Variants in SCAF4 observed in about 807,000 individuals in gnomAD.
The protein encoded by SCAF4 is SR-related and CTD-associated factor 4.
In SCAF4, 25 loss-of-function variants were observed where a neutral mutation model predicts 129.8. The observed-to-expected ratio is 0.19, with a 90% CI of 0.14 to 0.27. SCAF4 has a LOEUF of 0.27. Ranked by LOEUF, SCAF4 falls within the 10% of genes least tolerant of loss-of-function variation. The probability of loss-of-function intolerance (pLI) is 1.00; values close to 1 mark genes in which losing one functional copy is unlikely to be tolerated. For missense variants in SCAF4, 1,246 were observed against 1,457.1 expected (o/e 0.86, Z 2.36); for synonymous variants, 551 against 497.7 (o/e 1.11, Z -1.43).
At chr21:31,697,184 T>C (rs997702952) in intron 7 of SCAF4, among the ~76,000 whole-genome samples, 1 of 152,058 alleles carries the variant, frequency 6.6e-6, no homozygotes, top group African/African-American at 2.4e-5. Context: ...AAAGTGTCCA[T>C]ATACTGCTTC....
At chr21:31,709,582 G>C (rs1464731155) in intron 1 of SCAF4, among the ~76,000 whole-genome samples, 1 of 152,054 alleles carries the variant, frequency 6.6e-6, no homozygotes, top group Non-Finnish European at 1.5e-5. Context: ...ACACTCTATA[G>C]TCTCTATTTA....
rs1238655930 is a variant in SCAF4, at chr21:31,706,377, A to G, written c.31-20T>C. The G allele has an allele frequency of 1.3e-6, 2 of 1,526,472 alleles. No homozygotes were observed. The allele number at this position is 1,526,472 out of a possible 1,614,324, so 94.6% of individuals were successfully genotyped here. A position where few individuals can be genotyped will look rare whatever the true frequency, so the allele number is the denominator to read the frequency against. ...AAAGAGCTTAAAAGACAAAAAACAA[A>G]CAAAAAGTAAAGTTTAACTATTTGG... On this transcript the variant is annotated intron_variant, in intron 1 of 19. Transcript: ENST00000286835.
Position 31,671,731 on chromosome 21 carries a change from G to A in SCAF4, c.3112C>T (p.Pro1038Ser). 6.2e-7 allele frequency: 1 copy of A among 1,613,948 alleles called. No individual in the cohort carries two copies. The highest frequency in any genetic ancestry group is 8.5e-7 in the Non-Finnish European group (1 of 1,179,954). Residue 1038 changes from proline to serine, a missense_variant, in exon 20 of 20, where the codon CCT becomes TCT. Physicochemically the swap from Pro to Ser is moderately conservative, Grantham distance 74 (BLOSUM62 -1). This residue lies in a region of SCAF4 where 339 missense variants were observed against 325.0 expected (regional missense o/e 1.04). Transcript: ENST00000286835. ...RDRREWGRRSPDRDRHRDLEE... is the reference protein window; with the variant it reads ...RDRREWGRRSSDRDRHRDLEE... ...AAGTCTCTGTGCCTGTCCCGGTCAG[G>A]GCTCCTCCTTCCCCACTCTCTCCTG...
chr21:31,717,955 T>A (rs563616094), intron 1 of SCAF4, among the ~76,000 whole-genome samples: 24 of 144,006 alleles, frequency 1.7e-4, no homozygotes, highest in African/African-American at 3.3e-4. Flanking sequence ...ACATATATAT[T>A]TTTTTGAGAT....
At position 31,671,463 on chromosome 21, in the gene SCAF4, G is replaced by A. The variant is rs1178289584; in HGVS notation, c.3380C>T (p.Ala1127Val). Residue 1127 changes from alanine (A) to valine (V), a missense_variant, in exon 20 of 20, where the codon GCT (alanine) becomes GTT (valine). Physicochemically the swap from Ala to Val is moderately conservative, Grantham distance 64 (BLOSUM62 0). Coordinates refer to ENST00000286835, the MANE Select transcript of SCAF4 (RefSeq NM_020706.2). ...GGGTTCAACGGATGAGGTAGCCTCAGCAGGTAACTCTTCAGAAGGCTTTAG... is the reference window on the plus strand; with the variant it reads ...GGGTTCAACGGATGAGGTAGCCTCAACAGGTAACTCTTCAGAAGGCTTTAG... ...AVLKPSEELPAEATSSVEPEK... is the reference protein window; with the variant it reads ...AVLKPSEELPVEATSSVEPEK... The A allele has an allele frequency of 2.4e-5, 39 of 1,614,030 alleles. No individual in the cohort carries two copies. The highest frequency in any genetic ancestry group is 3.2e-5 in the Non-Finnish European group (38 of 1,179,974).
chr21:31,685,212 A>G lies in SCAF4; in HGVS notation c.2325T>C (p.Thr775=). 1.9e-6 allele frequency: 3 copies of G among 1,610,206 alleles called. No homozygotes were observed. The highest frequency in any genetic ancestry group is 2.5e-6 in the Non-Finnish European group (3 of 1,177,332). The change falls in exon 19 of 20, where the codon ACT becomes ACC. Residue 775 remains threonine (T), a synonymous_variant. Transcript: ENST00000286835. ...GATTTCCAATAGATAAGTCTTTTGT[A>G]GTGTCTTCATTTATACCAGCGATAG... is the stretch of plus-strand genomic sequence containing the variant. ...NSTIAGINED[T]TKDLSIGNPI...
At chr21:31,685,539 A>C in intron 17 of SCAF4, 29 bp downstream of exon 17, 1 of 1,614,058 alleles carries the variant, frequency 6.2e-7, no homozygotes, top group Non-Finnish European at 8.5e-7. Context: ...CGCAGGCTCT[A>C]AAGTATGTTC....
rs548477213 is a variant in SCAF4, at chr21:31,710,211, A to G, written c.31-3854T>C. ...CTAGAAATGGAAAGGTTATAGAACT[A>G]TGAGGATGGATTAGAAGGAGCCTGG... On this transcript the variant is annotated intron_variant, in intron 1 of 19. Coordinates refer to ENST00000286835, the MANE Select transcript of SCAF4 (RefSeq NM_020706.2). Among the ~76,000 whole-genome samples, 6 of 152,238 alleles carry G rather than the reference A, an allele frequency of 3.9e-5. No homozygotes were observed. In the East Asian group the frequency reaches 1.2e-3, roughly 29 times the overall value.
chr21:31,706,322 A>G lies in SCAF4; in HGVS notation c.66T>C (p.Ser22=), dbSNP rs2050661094. Reference sequence around the variant, plus strand: ...TAGTGATGAGAATCATCTTGGCTCTAGAGATGGGAGGTTTCATATCCATAA... The same window carrying G: ...TAGTGATGAGAATCATCTTGGCTCTGGAGATGGGAGGTTTCATATCCATAA... ...FSLMDMKPPI[S]RAKMILITKA... The change falls in exon 2 of 20, where the codon TCT becomes TCC. Residue 22 remains serine, a synonymous_variant. Coordinates refer to ENST00000286835, the MANE Select transcript of SCAF4 (RefSeq NM_020706.2). 2 of 1,610,904 alleles carry G rather than the reference A, an allele frequency of 1.2e-6. No individual in the cohort carries two copies. Among genetic ancestry groups the G allele is most frequent in the Admixed American group, 1.7e-5 (1 of 59,848 alleles).
At chr21:31,672,388 A>C in intron 19 of SCAF4, 34 bp from the exon 20 acceptor site, 1 of 1,487,154 alleles carries the variant, frequency 6.7e-7, no homozygotes, top group South Asian at 1.1e-5. Context: ...TGTAAACACC[A>C]CCGAAGATGG....
chr21:31,730,135 GT>G (rs2051312638), intron 1 of SCAF4, among the ~76,000 whole-genome samples: 1 of 152,210 alleles, frequency 6.6e-6, no homozygotes, highest in Non-Finnish European at 1.5e-5. Context: ...CGAGGCACCT[GT>G]TTTGATTGGT....
rs777553611 is a variant in SCAF4 at position 31,671,354 on chromosome 21, A to G, written c.*45T>C. ...ACAGCATCTGTACACCTCAAGCTCTACACTCCAGGAAGTGTCACTGTCACA... is the reference window on the plus strand; with the variant it reads ...ACAGCATCTGTACACCTCAAGCTCTGCACTCCAGGAAGTGTCACTGTCACA... On this transcript the variant is annotated 3_prime_UTR_variant, in exon 20 of 20. Transcript: ENST00000286835. 6.3e-7 allele frequency: 1 copy of G among 1,583,156 alleles called. No homozygotes were observed. Among genetic ancestry groups the G allele is most frequent in the East Asian group, 2.2e-5 (1 of 44,688 alleles).
intron 1 of SCAF4, among the ~76,000 whole-genome samples, chr21:31,717,974 A>T (rs1035669231): frequency 6.7e-6 from 1 of 148,706 alleles, no homozygotes. Flanking sequence ...ATGGAGTTTC[A>T]CTCTCATTGC....
chr21:31,684,721 T>C, intron 19 of SCAF4: 1 of 300,396 alleles, frequency 3.3e-6, no homozygotes, highest in South Asian at 3.6e-5. Context: ...TTACGAACTC[T>C]GTACCAATTC....
At chr21:31,728,354 A>C (rs758968811) in intron 1 of SCAF4, among the ~76,000 whole-genome samples, 3 of 152,164 alleles carry the variant, frequency 2.0e-5, no homozygotes, top group Non-Finnish European at 4.4e-5. Flanking sequence ...AAACCTCTAA[A>C]GACTACTTTA....
chr21:31,679,856 A>G (rs1312071093), intron 19 of SCAF4, among the ~76,000 whole-genome samples: 1 of 152,206 alleles, frequency 6.6e-6, no homozygotes, highest in African/African-American at 2.4e-5. Context: ...GCTTTTTGGA[A>G]TTTCAGTTAG....
intron 9 of SCAF4, among the ~76,000 whole-genome samples, 195 bp from the exon 10 acceptor site, chr21:31,695,175 A>G (rs986730981): frequency 1.3e-5 from 2 of 152,234 alleles, no homozygotes; most frequent in Non-Finnish European, 1.5e-5. Flanking sequence ...TAGGTTAAAA[A>G]TCCTGTAACT....
In SCAF4 at chr21:31,696,171, T is replaced by C; in HGVS notation, c.1010A>G (p.Asn337Ser). ...MQQPAYTQHQ[N>S]MDQFQPRMMG... ...CATTCGTGGCTGAAACTGATCCATA[T>C]TTTGATGCTGTGTGTATGCTGGCTG... is the stretch of plus-strand genomic sequence containing the variant. Residue 337 changes from asparagine to serine, a missense_variant, in exon 9 of 20, where the codon AAT becomes AGT. Physicochemically the swap from Asn to Ser is conservative, Grantham distance 46 (BLOSUM62 1). Around this residue, in one of 6 missense-constraint regions of SCAF4, gnomAD observed 236 missense variants for 210.0 expected, o/e 1.12. Coordinates refer to ENST00000286835, the MANE Select transcript of SCAF4 (RefSeq NM_020706.2). 1 of 1,614,044 alleles carries C rather than the reference T, an allele frequency of 6.2e-7. No individual in the cohort carries two copies. The highest frequency in any genetic ancestry group is 8.5e-7 in the Non-Finnish European group (1 of 1,179,972).
chr21:31,672,195 G>A lies in SCAF4; in HGVS notation c.2648C>T (p.Pro883Leu), dbSNP rs987124718. Residue 883 changes from proline to leucine, a missense_variant, in exon 20 of 20, where the codon CCG becomes CTG. By Grantham distance (98) the Pro-to-Leu change is moderately conservative. Around this residue, in one of 6 missense-constraint regions of SCAF4, gnomAD observed 468 missense variants for 605.5 expected, o/e 0.77. Transcript: ENST00000286835. The stretch of plus-strand genomic sequence containing the variant: ...CGGTGGGCCTCTGTGCATCATGTGC[G>A]GTGGCATGGGACGGGGCGGCATCAA... ...FPLMPPRPMP[P>L]HMMHRGPPPG... 3.7e-6 allele frequency: 6 copies of A among 1,606,004 alleles called. No homozygotes were observed. Among genetic ancestry groups the A allele is most frequent in the South Asian group, 1.1e-5 (1 of 90,356 alleles).
Sources: allele counts gnomAD v4.1 joint callset (sites outside exome capture counted in the v4.1 genomes callset), GRCh38; gene constraint gnomAD v4.1.1; regional missense constraint gnomAD v4.1.1; transcripts MANE v1.5; gene names NCBI Gene and HGNC (gene_info 2026-07-23, HGNC 2026-07-21).